Variants in CACNA1H observed in about 807,000 individuals in gnomAD.
CACNA1H encodes the protein voltage-dependent T-type calcium channel subunit alpha-1H.
A neutral mutation model predicts 192.5 loss-of-function variants in CACNA1H; 149 were observed. That is an observed-to-expected ratio of 0.77 (90% CI 0.68 to 0.89). CACNA1H has a LOEUF of 0.89. Ranked by LOEUF, CACNA1H falls within the 40% of genes least tolerant of loss-of-function variation. The probability of loss-of-function intolerance (pLI) is 0.00; values close to 1 mark genes in which losing one functional copy is unlikely to be tolerated. For synonymous variants in CACNA1H, 2,202 were observed against 1,475.2 expected (o/e 1.49, Z -11.29); for missense variants, 4,257 against 3,423.5 (o/e 1.24, Z -6.08).
chr16:1,165,772 C>G (rs1472993428), intron 2 of CACNA1H, among the ~76,000 whole-genome samples: 1 of 152,206 alleles, frequency 6.6e-6, no homozygotes, highest in Non-Finnish European at 1.5e-5. Context: ...GTTGTGCTGG[C>G]CACCTCACGT....
At chr16:1,214,905 A>G (rs1969878204) in intron 27 of CACNA1H, 67 bp from the exon 28 acceptor site, 6 of 1,225,312 alleles carry the variant, frequency 4.9e-6, no homozygotes, top group Non-Finnish European at 5.9e-6. Context: ...GGGCGTGCAG[A>G]GTGGGAGCCA....
intron 5 of CACNA1H, among the ~76,000 whole-genome samples, chr16:1,196,805 T>A (rs1160482084): frequency 2.0e-5 from 3 of 152,090 alleles, no homozygotes; most frequent in Non-Finnish European, 2.9e-5. Flanking sequence ...GCCACCCACC[T>A]GCATCAGGGG....
rs139396697 is a variant in CACNA1H, at chr16:1,181,788, CTGTG to C, written c.300-13179_300-13176del. ...GCCCTCATCTCAGGCCTGAAGAGGG[CTGTG>C]TGTGAGTTCTCCACTTGTGTGTGGG... On this transcript the variant is annotated intron_variant, in intron 2 of 34. Transcript: ENST00000348261. 2.2e-3 allele frequency among the ~76,000 whole-genome samples: 331 copies of C among 152,322 alleles called. 6 individuals are homozygous for C. The East Asian group carries it at 0.056, about 26-fold the overall frequency.
intron 2 of CACNA1H, among the ~76,000 whole-genome samples, chr16:1,178,715 C>T (rs926174541): frequency 6.6e-6 from 1 of 152,204 alleles, no homozygotes; most frequent in Non-Finnish European, 1.5e-5. Context: ...CCTGGCCAAA[C>T]CTGGCTCACC....
At chr16:1,187,548 G>C (rs1470857806) in intron 2 of CACNA1H, among the ~76,000 whole-genome samples, 2 of 152,246 alleles carry the variant, frequency 1.3e-5, no homozygotes, top group Middle Eastern at 3.2e-3. Context: ...TGGCTGAGCA[G>C]ATTGCTCTAG....
chr16:1,170,187 G>T (rs578155599), intron 2 of CACNA1H, among the ~76,000 whole-genome samples: 1 of 152,160 alleles, frequency 6.6e-6, no homozygotes, highest in Non-Finnish European at 1.5e-5. Flanking sequence ...CAGCCCACCC[G>T]GGTGTGTCCC....
chr16:1,195,696 C>T (rs1966884459), intron 4 of CACNA1H, 131 bp downstream of exon 4: 1 of 1,147,834 alleles, frequency 8.7e-7, no homozygotes, highest in Admixed American at 2.2e-5. Flanking sequence ...GCCAGGGACC[C>T]TGTCTGGGAC....
rs369162045 is a variant in CACNA1H at position 1,211,834 on chromosome 16, C to T, written c.4566+29C>T. On this transcript the variant is annotated intron_variant, in intron 24 of 34. Coordinates refer to ENST00000348261, the MANE Select transcript of CACNA1H (RefSeq NM_021098.3). ...CGCACAGGCGGGTCGAGCTGGGTCACCTCAGGGTCTCCCGCGAGCGGCTGC... is the reference window on the plus strand; with the variant it reads ...CGCACAGGCGGGTCGAGCTGGGTCATCTCAGGGTCTCCCGCGAGCGGCTGC... 5 of 1,611,148 alleles carry T rather than the reference C, an allele frequency of 3.1e-6. No homozygotes were observed. The Admixed American group carries it at 5.0e-5, about 16-fold the overall frequency.
At chr16:1,192,246 C>T (rs1173403525) in intron 2 of CACNA1H, among the ~76,000 whole-genome samples, 2 of 152,222 alleles carry the variant, frequency 1.3e-5, no homozygotes, top group East Asian at 3.9e-4. Context: ...GTCTCAGTGG[C>T]ATGGCAGAGG....
In CACNA1H at chr16:1,211,934, T is replaced by C. The variant is rs1302913929; in HGVS notation, c.4567-12T>C. The C allele has an allele frequency of 1.9e-6, 3 of 1,612,668 alleles. No homozygotes were observed. Among genetic ancestry groups the C allele is most frequent in the Non-Finnish European group, 1.7e-6 (2 of 1,179,614 alleles). ...GGCAGGCGGGCGGGGACCCACCGCCTCTGTGCCACAGCCTGTGCAGAACCA... is the reference window on the plus strand; with the variant it reads ...GGCAGGCGGGCGGGGACCCACCGCCCCTGTGCCACAGCCTGTGCAGAACCA... On this transcript the variant is annotated splice_polypyrimidine_tract_variant and intron_variant, in intron 24 of 34. Transcript: ENST00000348261.
intron 2 of CACNA1H, among the ~76,000 whole-genome samples, chr16:1,176,555 G>A (rs1231280160): frequency 6.6e-6 from 1 of 152,236 alleles, no homozygotes; most frequent in East Asian, 1.9e-4. Context: ...GACGGGCCTG[G>A]GCTGCTGTGG....
At chr16:1,183,411 T>TC (rs1171656727) in intron 2 of CACNA1H, among the ~76,000 whole-genome samples, 1 of 151,948 alleles carries the variant, frequency 6.6e-6, no homozygotes, top group African/African-American at 2.4e-5. Flanking sequence ...TCCTGGCCCC[T>TC]CCCCCCAGCC....
rs192277843 is a variant in CACNA1H, at chr16:1,219,142, C to T, written c.6048+12C>T. 1,568 of 1,517,666 alleles carry T rather than the reference C, an allele frequency of 1.0e-3. 12 individuals are homozygous for T. In the African/African-American group the frequency reaches 0.019, roughly 18 times the overall value. 94.0% of individuals were successfully genotyped at this position (1,517,666 alleles called of 1,614,324 possible). A position where few individuals can be genotyped will look rare whatever the true frequency, so the allele number is the denominator to read the frequency against. The stretch of plus-strand genomic sequence containing the variant: ...TGCTCTGCAGACAGGTAGGAGAAGC[C>T]GTTGGCCTGCAGCAGAGGCTGGCGG... On this transcript the variant is annotated intron_variant, in intron 34 of 34. Coordinates refer to ENST00000348261, the MANE Select transcript of CACNA1H (RefSeq NM_021098.3).
At chr16:1,212,338 G>A (rs574586357) in intron 25 of CACNA1H, among the ~76,000 whole-genome samples, 173 bp from the exon 26 acceptor site, 85 of 152,182 alleles carry the variant, frequency 5.6e-4, no homozygotes, top group African/African-American at 1.9e-3. Flanking sequence ...AGGAGAGGAG[G>A]AGACACCCCC....
In CACNA1H at chr16:1,211,501, C is replaced by T. The variant is rs72552043; in HGVS notation, c.4371C>T (p.Tyr1457=). Residue 1457 remains tyrosine, a synonymous_variant, in exon 23 of 35, where the codon TAC becomes TAT. Coordinates refer to ENST00000348261, the MANE Select transcript of CACNA1H (RefSeq NM_021098.3). ...LGVQLFKGKF[Y]YCEGPDTRNI... is the part of the protein sequence containing the mutation. ...GTCAGCTCTTCAAAGGGAAGTTCTA[C>T]TACTGCGAGGGCCCCGACACCAGGA... The T allele has an allele frequency of 2.7e-5, 43 of 1,612,330 alleles. No homozygotes were observed. In the Admixed American group the frequency reaches 3.3e-4, roughly 12 times the overall value.
chr16:1,208,770 T>G (rs1567533271), intron 16 of CACNA1H, among the ~76,000 whole-genome samples: 1 of 152,002 alleles, frequency 6.6e-6, no homozygotes, highest in East Asian at 1.9e-4. Context: ...CACCCACACT[T>G]TGTCTGGTCC....
At chr16:1,190,861 G>A (rs1302679849) in intron 2 of CACNA1H, among the ~76,000 whole-genome samples, 1 of 151,360 alleles carries the variant, frequency 6.6e-6, no homozygotes, top group Non-Finnish European at 1.5e-5. Context: ...GTGGCCTCAG[G>A]CACACTCGGG....
At chr16:1,159,906 C>T (rs1053620111) in intron 2 of CACNA1H, 2 of 152,326 alleles carry the variant, frequency 1.3e-5, no homozygotes, top group Non-Finnish European at 2.9e-5. Flanking sequence ...GGTGGTTCTG[C>T]ATACTCCCCT....
At chr16:1,205,908 G>A (rs374730429) in intron 11 of CACNA1H, among the ~76,000 whole-genome samples, 196 bp from the exon 12 acceptor site, 5 of 152,220 alleles carry the variant, frequency 3.3e-5, no homozygotes, top group Non-Finnish European at 5.9e-5. Context: ...TAGCCCCCGG[G>A]GCCATCAGCG....
Sources: gnomAD v4.1 joint callset for allele counts (sites outside exome capture counted in the v4.1 genomes callset) on GRCh38, gnomAD v4.1.1 for gene constraint, MANE v1.5 for transcripts, NCBI Gene and HGNC (gene_info 2026-07-23, HGNC 2026-07-21) for gene names.